The following CADM1 variants were observed in gnomAD, a reference collection of about 807,000 sequenced individuals.
The protein encoded by CADM1 is TSLC-1.
CADM1 carries 15 observed loss-of-function variants against 53.1 expected under a neutral mutation model. The observed-to-expected ratio is 0.28, with a 90% CI of 0.19 to 0.44. The LOEUF is 0.44. CADM1 is among the 20% of genes least tolerant of loss of function. The pLI is 1.00. For synonymous variants in CADM1, 281 were observed against 243.0 expected (o/e 1.16, Z -1.45); for missense variants, 434 against 611.3 (o/e 0.71, Z 3.06).
chr11:115,404,595 C>CA (rs1565410286), intron 1 of CADM1, among the ~76,000 whole-genome samples: 2 of 148,196 alleles, frequency 1.3e-5, no homozygotes, highest in Admixed American at 6.7e-5. Context: ...TTTTATAAAA[C>CA]AAAAAATAAC....
chr11:115,308,550 A>C (rs1269508259), intron 1 of CADM1, among the ~76,000 whole-genome samples: 1 of 152,042 alleles, frequency 6.6e-6, no homozygotes. Context: ...CACGTCTGCA[A>C]AACAGTAGTG....
intron 1 of CADM1, among the ~76,000 whole-genome samples, chr11:115,302,385 T>C (rs969791232): frequency 2.0e-4 from 31 of 152,090 alleles, no homozygotes; most frequent in African/African-American, 7.0e-4. Flanking sequence ...CCCAAACCTA[T>C]AATAAACCTA....
chr11:115,396,410 G>T (rs1042820866), intron 1 of CADM1, among the ~76,000 whole-genome samples: 1 of 152,170 alleles, frequency 6.6e-6, no homozygotes, highest in Non-Finnish European at 1.5e-5. Flanking sequence ...AGAGAGCCAG[G>T]GTTGAGCTAC....
intron 3 of CADM1, among the ~76,000 whole-genome samples, chr11:115,233,592 G>C (rs1941903327): frequency 6.6e-6 from 1 of 152,020 alleles, no homozygotes; most frequent in African/African-American, 2.4e-5. Flanking sequence ...GCTATTGTTA[G>C]ATCAAATGTC....
chr11:115,382,235 T>C (rs1385521738), intron 1 of CADM1, among the ~76,000 whole-genome samples: 1 of 152,094 alleles, frequency 6.6e-6, no homozygotes, highest in African/African-American at 2.4e-5. Flanking sequence ...CTGATTTGCA[T>C]GAGGTTGGGT....
chr11:115,450,262 C>T (rs1591255333), intron 1 of CADM1, among the ~76,000 whole-genome samples: 2 of 152,300 alleles, frequency 1.3e-5, no homozygotes, highest in South Asian at 2.1e-4. Context: ...AATACTGGTC[C>T]GCACAGGCCC....
chr11:115,406,987 T>G (rs1462947627), intron 1 of CADM1, among the ~76,000 whole-genome samples: 1 of 150,854 alleles, frequency 6.6e-6, no homozygotes, highest in Non-Finnish European at 1.5e-5. Context: ...TATATAGTCA[T>G]AAAATGCCCC....
chr11:115,369,621 C>T (rs944783024), intron 1 of CADM1, among the ~76,000 whole-genome samples: 2 of 152,152 alleles, frequency 1.3e-5, no homozygotes, highest in Non-Finnish European at 2.9e-5. Flanking sequence ...AATTTAAGGG[C>T]ATATTGGCAT....
Position 115,174,013 on chromosome 11 carries a change from T to C in CADM1, c.*2461A>G. The C allele has an allele frequency of 3.1e-6, 3 of 964,908 alleles. No homozygotes were observed. The highest frequency in any genetic ancestry group is 3.7e-6 in the Non-Finnish European group (3 of 811,182). The allele number at this position is 964,908 out of a possible 1,614,324, so 59.8% of individuals were successfully genotyped here. A position where few individuals can be genotyped will look rare whatever the true frequency, so the allele number is the denominator to read the frequency against. On this transcript the variant is annotated 3_prime_UTR_variant, in exon 12 of 12. Coordinates refer to ENST00000331581, the MANE Select transcript of CADM1 (RefSeq NM_001301043.2). ...CACTGTATACTTAAGAAAAAATACA[T>C]AAACCAATATACAACTAAAATCCAT...
At chr11:115,194,420 C>T (rs1263622587) in intron 9 of CADM1, among the ~76,000 whole-genome samples, 1 of 152,114 alleles carries the variant, frequency 6.6e-6, no homozygotes, top group Non-Finnish European at 1.5e-5. Flanking sequence ...GGGCTGTGCT[C>T]GTAGGGTACG....
chr11:115,329,854 A>G (rs1477692985), intron 1 of CADM1, among the ~76,000 whole-genome samples: 1 of 151,214 alleles, frequency 6.6e-6, no homozygotes, highest in Non-Finnish European at 1.5e-5. Context: ...CTTCCTCTGG[A>G]GTTTGACCAT....
At chr11:115,499,629 G>T (rs926182700) in intron 1 of CADM1, among the ~76,000 whole-genome samples, 1 of 152,250 alleles carries the variant, frequency 6.6e-6, no homozygotes, top group Non-Finnish European at 1.5e-5. Context: ...AGGTCCACTG[G>T]CTGGACATCA....
chr11:115,404,187 G>A (rs1225398660), intron 1 of CADM1, among the ~76,000 whole-genome samples: 1 of 149,684 alleles, frequency 6.7e-6, no homozygotes, highest in Non-Finnish European at 1.5e-5. Context: ...TTAGCTGGGT[G>A]TGGTGATGCA....
chr11:115,439,038 G>C (rs1042495760), intron 1 of CADM1, among the ~76,000 whole-genome samples: 8 of 152,168 alleles, frequency 5.3e-5, no homozygotes, highest in Admixed American at 1.3e-4. Context: ...ACTCTGGGAG[G>C]GGTGCACTGG....
intron 10 of CADM1, among the ~76,000 whole-genome samples, chr11:115,186,689 A>C (rs1024393750): frequency 2.0e-5 from 3 of 152,190 alleles, no homozygotes; most frequent in Non-Finnish European, 4.4e-5. Context: ...TTTCATGAAA[A>C]TCTTCTATTA....
chr11:115,388,821 G>C (rs1606313), intron 1 of CADM1, among the ~76,000 whole-genome samples: 37,255 of 151,958 alleles, frequency 0.25, 4,979 homozygotes, highest in East Asian at 0.45. Context: ...AGACATAACA[G>C]CTAGATGCAA....
intron 1 of CADM1, among the ~76,000 whole-genome samples, chr11:115,407,506 C>A (rs779945000): frequency 1.3e-5 from 2 of 152,108 alleles, no homozygotes; most frequent in Non-Finnish European, 2.9e-5. Context: ...ATGCACCCAA[C>A]AATCTGATAT....
At chr11:115,323,421 G>C (rs1406558385) in intron 1 of CADM1, among the ~76,000 whole-genome samples, 1 of 152,074 alleles carries the variant, frequency 6.6e-6, no homozygotes, top group Non-Finnish European at 1.5e-5. Context: ...AACCAGTCTT[G>C]AAATTCCACA....
At chr11:115,353,022 C>T (rs562692424) in intron 1 of CADM1, among the ~76,000 whole-genome samples, 20 of 152,292 alleles carry the variant, frequency 1.3e-4, no homozygotes, top group African/African-American at 4.8e-4. Context: ...CTTGAGATAA[C>T]TTTTGAATTA....
Sources: gnomAD v4.1 joint callset for allele counts (sites outside exome capture counted in the v4.1 genomes callset) on GRCh38, gnomAD v4.1.1 for gene constraint, MANE v1.5 for transcripts, NCBI Gene and HGNC (gene_info 2026-07-23, HGNC 2026-07-21) for gene names.